SPRED1: variants seen among roughly 807,000 people sequenced by gnomAD.
SPRED1 encodes sprouty related EVH1 domain containing 1.
In SPRED1, 18 loss-of-function variants were observed where a neutral mutation model predicts 52.3. That is an observed-to-expected ratio of 0.34 (90% confidence interval 0.24 to 0.51). The LOEUF is 0.51. Ranked by LOEUF, SPRED1 falls within the 20% of genes least tolerant of loss-of-function variation. SPRED1 has a pLI of 0.97. For missense variants in SPRED1, 485 were observed against 551.0 expected (o/e 0.88, Z 1.20); for synonymous variants, 155 against 179.7 (o/e 0.86, Z 1.10).
In SPRED1 at chr15:38,296,436, A is replaced by G. The variant is rs182633336; in HGVS notation, c.33-2937A>G. Among the ~76,000 whole-genome samples the G allele has an allele frequency of 2.0e-3, 302 of 152,290 alleles. 2 individuals carry two copies. The highest frequency in any genetic ancestry group is 7.3e-3 in the Admixed American group (112 of 15,294). ...TATAGCTTTAGAGTTATTCTGGTTC[A>G]TGTGTAATATAGTACTGTCATTTCA... On this transcript the variant is annotated intron_variant, in intron 1 of 6. Coordinates refer to ENST00000299084, the MANE Select transcript of SPRED1 (RefSeq NM_152594.3).
At chr15:38,345,423 G>A (rs1896114717) in intron 5 of SPRED1, among the ~76,000 whole-genome samples, 2 of 152,186 alleles carry the variant, frequency 1.3e-5, no homozygotes, top group Admixed American at 1.3e-4. Context: ...GGGGTAAGTT[G>A]ATGGATCCTT....
chr15:38,330,531 T>C (rs546575517), intron 4 of SPRED1, among the ~76,000 whole-genome samples: 1 of 152,130 alleles, frequency 6.6e-6, no homozygotes, highest in Non-Finnish European at 1.5e-5. Context: ...GTTGGGCTTG[T>C]GGAATTAGAG....
At chr15:38,316,287 C>T (rs572862648) in intron 2 of SPRED1, among the ~76,000 whole-genome samples, 1 of 152,000 alleles carries the variant, frequency 6.6e-6, no homozygotes, top group East Asian at 1.9e-4. Context: ...GTCCAGAGTT[C>T]ACCTGTTTAT....
chr15:38,258,169 A>C lies in SPRED1; in HGVS notation c.32+4952A>C, dbSNP rs535673006. ...TGCTAAAATTTTGGTCTACATGGAAACCTTTCTTATGATGTTGGTGATGAA... is the reference window on the plus strand; with the variant it reads ...TGCTAAAATTTTGGTCTACATGGAACCCTTTCTTATGATGTTGGTGATGAA... On this transcript the variant is annotated intron_variant, in intron 1 of 6. Transcript: ENST00000299084. Among the ~76,000 whole-genome samples, 5 of 152,276 alleles carry C rather than the reference A, an allele frequency of 3.3e-5. No individual in the cohort carries two copies. In the South Asian group the frequency reaches 1.0e-3, roughly 32 times the overall value.
chr15:38,308,273 T>C (rs1045881999), intron 2 of SPRED1, among the ~76,000 whole-genome samples: 2 of 152,224 alleles, frequency 1.3e-5, no homozygotes, highest in African/African-American at 4.8e-5. Flanking sequence ...CTAACCTGTT[T>C]TCCCAGTGGC....
intron 2 of SPRED1, among the ~76,000 whole-genome samples, chr15:38,320,938 A>G (rs763129123): frequency 2.0e-5 from 3 of 152,176 alleles, no homozygotes; most frequent in East Asian, 1.9e-4. Flanking sequence ...AATGGATCCT[A>G]TACTGGAAGG....
At chr15:38,296,623 GT>G (rs1895045482) in intron 1 of SPRED1, among the ~76,000 whole-genome samples, 2 of 152,054 alleles carry the variant, frequency 1.3e-5, no homozygotes, top group Non-Finnish European at 2.9e-5. Flanking sequence ...CACTTTACTT[GT>G]TTTGTAGTTA....
At chr15:38,350,897 T>G (rs762047423) in intron 6 of SPRED1, 117 bp from the exon 7 acceptor site, 12 of 1,076,368 alleles carry the variant, frequency 1.1e-5, no homozygotes, top group Non-Finnish European at 1.6e-5. Context: ...CAAAAACATA[T>G]CATAGAAATG....
At chr15:38,299,163 A>G (rs1159341656) in intron 1 of SPRED1, among the ~76,000 whole-genome samples, 1 of 152,194 alleles carries the variant, frequency 6.6e-6, no homozygotes, top group Admixed American at 6.5e-5. Flanking sequence ...TTACAAGAGT[A>G]GTCTTTAAAA....
At chr15:38,328,645 A>G (rs1010510015) in intron 4 of SPRED1, among the ~76,000 whole-genome samples, 4 of 152,174 alleles carry the variant, frequency 2.6e-5, no homozygotes, top group African/African-American at 7.2e-5. Context: ...AACCTAACCA[A>G]TATTAAGGTG....
At chr15:38,317,093 C>T (rs989593695) in intron 2 of SPRED1, among the ~76,000 whole-genome samples, 2 of 151,766 alleles carry the variant, frequency 1.3e-5, no homozygotes, top group African/African-American at 4.8e-5. Context: ...TCTTTACTAT[C>T]TATTTTATGA....
intron 1 of SPRED1, chr15:38,283,398 T>G (rs1419407371): frequency 2.3e-6 from 1 of 440,092 alleles, no homozygotes; most frequent in Admixed American, 6.4e-5. Context: ...AGACCATGTC[T>G]TGAGAGGTAT....
At chr15:38,296,555 TGA>T (rs1895044114) in intron 1 of SPRED1, among the ~76,000 whole-genome samples, 1 of 152,190 alleles carries the variant, frequency 6.6e-6, no homozygotes. Context: ...AAATACTAGC[TGA>T]AAATTTTAGG....
chr15:38,335,853 G>A (rs1250991527), intron 4 of SPRED1, among the ~76,000 whole-genome samples: 1 of 151,814 alleles, frequency 6.6e-6, no homozygotes, highest in Non-Finnish European at 1.5e-5. Flanking sequence ...AAAAAGATCA[G>A]TCTCATTGAG....
At chr15:38,316,757 T>TTG (rs1566865545) in intron 2 of SPRED1, among the ~76,000 whole-genome samples, 16 of 90,186 alleles carry the variant, frequency 1.8e-4, no homozygotes, top group African/African-American at 2.2e-4. Flanking sequence ...TGTTTTTTTT[T>TTG]TTTTTTTTTT....
intron 3 of SPRED1, among the ~76,000 whole-genome samples, chr15:38,323,214 A>G (rs1380767122): frequency 6.6e-6 from 1 of 152,194 alleles, no homozygotes; most frequent in Non-Finnish European, 1.5e-5. Flanking sequence ...GACCAGTCAC[A>G]GGCAAGAACA....
chr15:38,281,952 G>A (rs28360842), intron 1 of SPRED1, among the ~76,000 whole-genome samples: 5,664 of 152,084 alleles, frequency 0.037, 146 homozygotes, highest in Non-Finnish European at 0.058. Context: ...CTCTTACAGG[G>A]TAAAGCCGAT....
At chr15:38,328,720 G>T (rs1445714597) in intron 4 of SPRED1, among the ~76,000 whole-genome samples, 2 of 151,872 alleles carry the variant, frequency 1.3e-5, no homozygotes, top group African/African-American at 2.4e-5. Context: ...AGAGCTTTTG[G>T]TTTTTTTGTT....
At chr15:38,297,409 T>G (rs1895062050) in intron 1 of SPRED1, among the ~76,000 whole-genome samples, 1 of 152,222 alleles carries the variant, frequency 6.6e-6, no homozygotes, top group Admixed American at 6.5e-5. Context: ...ATTGTGTTTA[T>G]AGTGGTGGAG....
Sources: allele counts gnomAD v4.1 joint callset (sites outside exome capture counted in the v4.1 genomes callset), GRCh38; gene constraint gnomAD v4.1.1; transcripts MANE v1.5; gene names NCBI Gene and HGNC (gene_info 2026-07-23, HGNC 2026-07-21).